Variants in SREBF2 observed in about 807,000 individuals in gnomAD.
The protein encoded by SREBF2 is sterol regulatory element-binding protein 2.
In SREBF2, 55 loss-of-function variants were observed where a neutral mutation model predicts 113.1. The ratio of observed to expected loss-of-function variants is 0.49; its 90% CI spans 0.39 to 0.61. The LOEUF (loss-of-function observed/expected upper bound fraction) is 0.61, where lower values mean the gene tolerates loss of function less well. Among genes scored for constraint, SREBF2 ranks in the 20% least tolerant of loss-of-function variants. The probability of loss-of-function intolerance (pLI) is 0.00; values close to 1 mark genes in which losing one functional copy is unlikely to be tolerated. For synonymous variants in SREBF2, 593 were observed against 605.7 expected (o/e 0.98, Z 0.31); for missense variants, 1,349 against 1,487.4 (o/e 0.91, Z 1.53).
chr22:41,833,228 C>T lies in SREBF2; in HGVS notation c.-43C>T. 1 of 1,490,286 alleles carries T rather than the reference C, an allele frequency of 6.7e-7. No homozygotes were observed. Among genetic ancestry groups the T allele is most frequent in the Non-Finnish European group, 9.0e-7 (1 of 1,115,902 alleles). 92.3% of individuals were successfully genotyped at this position (1,490,286 alleles called of 1,614,324 possible). A position where few individuals can be genotyped will look rare whatever the true frequency, so the allele number is the denominator to read the frequency against. ...GGCGACGGCACCGCCCCCGCGTCTC[C>T]CTGAGCGGGACGGCAGGGGGGGCTT... On this transcript the variant is annotated 5_prime_UTR_variant, in exon 1 of 19. Transcript: ENST00000361204. This position sits in a 1 kb window ranked among gnomAD's most constrained non-coding sequence, Gnocchi z 4.1.
At chr22:41,899,224 A>C in intron 15 of SREBF2, 1 of 1,075,984 alleles carries the variant, frequency 9.3e-7, no homozygotes, top group Non-Finnish European at 1.1e-6. Context: ...CATTTTATCC[A>C]CTTTCCTTCC....
At chr22:41,840,437 G>T (rs9611676) in intron 1 of SREBF2, among the ~76,000 whole-genome samples, 1 of 144,390 alleles carries the variant, frequency 6.9e-6, no homozygotes, top group African/African-American at 2.7e-5. Context: ...CAATGTTGAA[G>T]CTCTTCTTTC....
Position 41,873,830 on chromosome 22 carries a change from C to T in SREBF2, c.900C>T (p.Thr300=). ...TLVGSSGTIL[T]TMPVMMGQEK... The stretch of plus-strand genomic sequence containing the variant: ...TGGGCAGCAGTGGGACCATTCTGAC[C>T]ACAATGCCTGTAATGATGGGGCAAG... The change falls in exon 5 of 19, where the codon ACC becomes ACT. Residue 300 remains threonine, a synonymous_variant. Transcript: ENST00000361204. 3 of 1,611,786 alleles carry T rather than the reference C, an allele frequency of 1.9e-6. No individual in the cohort carries two copies. The South Asian group carries it at 3.3e-5, about 18-fold the overall frequency.
Position 41,900,463 on chromosome 22 carries a change from G to T in SREBF2, c.2872G>T (p.Val958Phe), listed in dbSNP as rs370413839. The change falls in exon 16 of 19, where the codon GTC becomes TTC. Residue 958 changes from valine (V) to phenylalanine (F), a missense_variant. Physicochemically the swap from Val to Phe is conservative, Grantham distance 50. Around this residue, in one of 2 missense-constraint regions of SREBF2, gnomAD observed 650 missense variants for 644.1 expected, o/e 1.01. Transcript: ENST00000361204. ...TGGCCACCTATGGAGCAGCCTCAAC[G>T]TCAGTGGGGCCACCTCTGACCCTGC... ...ASGHLWSSLN[V>F]SGATSDPALN... 5.6e-6 allele frequency: 9 copies of T among 1,613,708 alleles called. No homozygotes were observed. The highest frequency in any genetic ancestry group is 1.3e-5 in the African/African-American group (1 of 74,918).
At chr22:41,882,532 G>A (rs776742711) in intron 10 of SREBF2, among the ~76,000 whole-genome samples, 28 of 152,180 alleles carry the variant, frequency 1.8e-4, no homozygotes, top group African/African-American at 3.9e-4. Context: ...ATAGGCCATC[G>A]CGGTGGCTCA....
chr22:41,851,216 T>C (rs530870714), intron 1 of SREBF2, among the ~76,000 whole-genome samples: 22 of 152,340 alleles, frequency 1.4e-4, no homozygotes, highest in African/African-American at 4.3e-4. Context: ...AATATAAATA[T>C]GCTTTCTACC....
chr22:41,905,785 G>C lies in SREBF2; in HGVS notation c.*125G>C. ...AGCTGTCACCTGCCGAGGCTTCTGG[G>C]CCACTCAGGCCAGTGCACCCCTGGG... On this transcript the variant is annotated 3_prime_UTR_variant, in exon 19 of 19. Transcript: ENST00000361204. The C allele has an allele frequency of 2.8e-6, 3 of 1,090,462 alleles. No individual in the cohort carries two copies. Among genetic ancestry groups the C allele is most frequent in the Non-Finnish European group, 4.1e-6 (3 of 729,182 alleles). The allele number at this position is 1,090,462 out of a possible 1,614,324, so 67.5% of individuals were successfully genotyped here. A position where few individuals can be genotyped will look rare whatever the true frequency, so the allele number is the denominator to read the frequency against.
At chr22:41,864,225 T>TATATAC (rs1392236421) in intron 1 of SREBF2, among the ~76,000 whole-genome samples, 1 of 44,632 alleles carries the variant, frequency 2.2e-5, no homozygotes, top group Non-Finnish European at 4.4e-5. Context: ...TCTGCAAGCA[T>TATATAC]ATATATATAT....
At chr22:41,865,242 A>G (rs1266238826) in intron 1 of SREBF2, among the ~76,000 whole-genome samples, 1 of 151,966 alleles carries the variant, frequency 6.6e-6, no homozygotes. Context: ...ATTTTTTTAT[A>G]GTGGTGGTGT....
chr22:41,895,191 G>A (rs2077402194), intron 13 of SREBF2, among the ~76,000 whole-genome samples: 1 of 150,790 alleles, frequency 6.6e-6, no homozygotes, highest in Admixed American at 6.6e-5. Flanking sequence ...TCAGGTTGGA[G>A]TGCAGTGGCG....
At chr22:41,863,625 G>T (rs1409505748) in intron 1 of SREBF2, among the ~76,000 whole-genome samples, 2 of 152,186 alleles carry the variant, frequency 1.3e-5, no homozygotes, top group African/African-American at 4.8e-5. Context: ...AGTACAAGCT[G>T]CAATATCTGT....
intron 1 of SREBF2, among the ~76,000 whole-genome samples, chr22:41,845,792 T>C (rs1206361266): frequency 6.6e-6 from 1 of 152,220 alleles, no homozygotes; most frequent in African/African-American, 2.4e-5. Context: ...TTTGGCATGC[T>C]CTAGGAATAT....
At chr22:41,887,838 AT>A (rs150576091) in intron 11 of SREBF2, among the ~76,000 whole-genome samples, 2,274 of 152,224 alleles carry the variant, frequency 0.015, 65 homozygotes, top group African/African-American at 0.051. Flanking sequence ...TATAATGTCA[AT>A]TTTTTTAAGC....
rs1334446750 is a variant in SREBF2 at position 41,833,446 on chromosome 22, C to A, written c.88+88C>A. On this transcript the variant is annotated intron_variant, in intron 1 of 18. Coordinates refer to ENST00000361204, the MANE Select transcript of SREBF2 (RefSeq NM_004599.4). The surrounding 1 kb of genome is among the most constrained non-coding windows in gnomAD (Gnocchi z 4.1). ...CCCGGGTGCGCGTGCGCCCACCCCC[C>A]GACAGCCCCGGTTCGCGCGGGAAGA... 3.3e-6 allele frequency: 4 copies of A among 1,196,056 alleles called. No homozygotes were observed. Among genetic ancestry groups the A allele is most frequent in the Admixed American group, 2.2e-5 (1 of 45,988 alleles). The allele number at this position is 1,196,056 out of a possible 1,614,324, so 74.1% of individuals were successfully genotyped here. A position where few individuals can be genotyped will look rare whatever the true frequency, so the allele number is the denominator to read the frequency against.
intron 16 of SREBF2, 36 bp downstream of exon 16, chr22:41,900,534 C>T: frequency 1.2e-6 from 2 of 1,604,406 alleles, no homozygotes; most frequent in Non-Finnish European, 1.7e-6. Flanking sequence ...GGGGGAGGTG[C>T]TCTGCACTGG....
At chr22:41,841,032 A>T (rs1031908828) in intron 1 of SREBF2, among the ~76,000 whole-genome samples, 3 of 152,186 alleles carry the variant, frequency 2.0e-5, no homozygotes, top group African/African-American at 4.8e-5. Flanking sequence ...CACTCTGTAA[A>T]GGTGTGTCTA....
chr22:41,862,891 A>G (rs1160337697), intron 1 of SREBF2, among the ~76,000 whole-genome samples: 1 of 152,186 alleles, frequency 6.6e-6, no homozygotes, highest in Non-Finnish European at 1.5e-5. Context: ...TGTGGGTTGA[A>G]AGGGACTTTT....
At chr22:41,839,041 C>G (rs932331551) in intron 1 of SREBF2, among the ~76,000 whole-genome samples, 2 of 152,048 alleles carry the variant, frequency 1.3e-5, no homozygotes, top group African/African-American at 4.8e-5. Context: ...GTGTTCACAC[C>G]ATTGGGAAGG....
rs140511856 is a variant in SREBF2 at position 41,904,706 on chromosome 22, C to T, written c.3094-157C>T. ...TCCTGCCTGGCTCAGGGTCAGAGTA[C>T]GGGACAACAGAGGTTGCTTTTCAGG... is the stretch of plus-strand genomic sequence containing the variant. On this transcript the variant is annotated intron_variant, in intron 17 of 18. Coordinates refer to ENST00000361204, the MANE Select transcript of SREBF2 (RefSeq NM_004599.4). 8.0e-4 allele frequency: 578 copies of T among 724,724 alleles called. 2 individuals carry two copies. Among genetic ancestry groups the T allele is most frequent in the Middle Eastern group, 7.5e-3 (33 of 4,388 alleles). 44.9% of individuals were successfully genotyped at this position (724,724 alleles called of 1,614,324 possible). A position where few individuals can be genotyped will look rare whatever the true frequency, so the allele number is the denominator to read the frequency against.
Sources: gnomAD v4.1 joint callset for allele counts (sites outside exome capture counted in the v4.1 genomes callset) on GRCh38, gnomAD v4.1.1 for gene constraint, gnomAD v4.1.1 regional missense constraint, Gnocchi (gnomAD v3.1) non-coding constraint, MANE v1.5 for transcripts, NCBI Gene and HGNC (gene_info 2026-07-23, HGNC 2026-07-21) for gene names.